The following ALK variants were observed in gnomAD, a reference collection of about 807,000 sequenced individuals.
ALK encodes the protein ALK tyrosine kinase receptor.
A neutral mutation model predicts 163.1 loss-of-function variants in ALK; 74 were observed. That is an observed-to-expected ratio of 0.45 (90% CI 0.38 to 0.55). The LOEUF (loss-of-function observed/expected upper bound fraction) is 0.55. Among genes scored for constraint, ALK ranks in the 20% least tolerant of loss-of-function variants. The pLI is 0.00. For missense variants in ALK, 2,063 were observed against 2,105.3 expected (o/e 0.98, Z 0.39); for synonymous variants, 960 against 843.2 (o/e 1.14, Z -2.40).
intron 4 of ALK, among the ~76,000 whole-genome samples, chr2:29,464,563 T>C (rs1458624677): frequency 1.3e-5 from 2 of 151,576 alleles, no homozygotes; most frequent in Admixed American, 6.6e-5. Context: ...AATGAAAGAC[T>C]GAAACAGGCC....
At chr2:29,545,950 G>A (rs1304997205) in intron 3 of ALK, among the ~76,000 whole-genome samples, 1 of 152,078 alleles carries the variant, frequency 6.6e-6, no homozygotes, top group Non-Finnish European at 1.5e-5. Flanking sequence ...ACAACCTTTC[G>A]GGTCCTACTT....
At chr2:29,891,099 T>C (rs943942827) in intron 1 of ALK, 3 of 152,234 alleles carry the variant, frequency 2.0e-5, no homozygotes, top group Admixed American at 6.5e-5. Flanking sequence ...TGAAAGCACA[T>C]AGCTTGGGGG....
intron 4 of ALK, among the ~76,000 whole-genome samples, chr2:29,485,394 A>G (rs758037315): frequency 3.3e-4 from 50 of 152,170 alleles, no homozygotes; most frequent in Non-Finnish European, 6.3e-4. Flanking sequence ...TCTAATATGT[A>G]TAATTGGTTC....
At chr2:29,452,665 G>A (rs1442131130) in intron 4 of ALK, among the ~76,000 whole-genome samples, 1 of 152,142 alleles carries the variant, frequency 6.6e-6, no homozygotes, top group Non-Finnish European at 1.5e-5. Flanking sequence ...GGAGAAAACA[G>A]AAACTTTAGT....
intron 1 of ALK, among the ~76,000 whole-genome samples, chr2:29,902,643 T>C (rs1225256217): frequency 6.6e-6 from 1 of 152,214 alleles, no homozygotes; most frequent in Non-Finnish European, 1.5e-5. Context: ...GAGGGCCCAG[T>C]AGAGCATGAG....
chr2:29,481,598 C>T (rs1175605992), intron 4 of ALK, among the ~76,000 whole-genome samples: 1 of 152,192 alleles, frequency 6.6e-6, no homozygotes, highest in Non-Finnish European at 1.5e-5. Flanking sequence ...AGCTTCTTCC[C>T]TAGGCCTCAA....
At chr2:29,830,717 A>T (rs1372741703) in intron 1 of ALK, among the ~76,000 whole-genome samples, 4 of 7,548 alleles carry the variant, frequency 5.3e-4, no homozygotes, top group Non-Finnish European at 1.3e-3. Context: ...ATAGTTTAAA[A>T]AAAAAAAAAA....
At chr2:29,855,448 T>C (rs1666114447) in intron 1 of ALK, among the ~76,000 whole-genome samples, 2 of 152,098 alleles carry the variant, frequency 1.3e-5, no homozygotes, top group South Asian at 4.1e-4. Flanking sequence ...TTCTTCCTTC[T>C]ACCAAGAGAT....
At chr2:29,203,783 C>T (rs1268344773) in intron 26 of ALK, among the ~76,000 whole-genome samples, 1 of 151,898 alleles carries the variant, frequency 6.6e-6, no homozygotes, top group Admixed American at 6.6e-5. Context: ...TGCGCCCGGC[C>T]GAGGATATGC....
intron 1 of ALK, among the ~76,000 whole-genome samples, chr2:29,889,127 C>A (rs1667067144): frequency 6.6e-6 from 1 of 152,054 alleles, no homozygotes; most frequent in Non-Finnish European, 1.5e-5. Flanking sequence ...TTATATTAAG[C>A]TTTCTTCTTA....
chr2:29,717,315 C>A (rs182526915), intron 2 of ALK, among the ~76,000 whole-genome samples: 213 of 152,152 alleles, frequency 1.4e-3, no homozygotes, highest in Non-Finnish European at 2.7e-3. Flanking sequence ...ACACTATATA[C>A]CATAAAGGCT....
At chr2:29,194,023 G>A in intron 28 of ALK, 101 bp from the exon 29 acceptor site, 1 of 1,157,918 alleles carries the variant, frequency 8.6e-7, no homozygotes, top group Non-Finnish European at 1.3e-6. Flanking sequence ...TTCTACAGAT[G>A]AGGAAACCAG....
chr2:29,311,571 G>A (rs1666694502), intron 8 of ALK, among the ~76,000 whole-genome samples: 1 of 152,212 alleles, frequency 6.6e-6, no homozygotes, highest in African/African-American at 2.4e-5. Flanking sequence ...AGAAAAGTCA[G>A]GCTTATGACG....
chr2:29,840,931 G>T (rs1373659101), intron 1 of ALK, among the ~76,000 whole-genome samples: 1 of 152,124 alleles, frequency 6.6e-6, no homozygotes, highest in Admixed American at 6.5e-5. Context: ...AAGTCTTTTA[G>T]ATACGGCTAC....
At chr2:29,549,250 A>T (rs557773660) in intron 3 of ALK, among the ~76,000 whole-genome samples, 1 of 152,154 alleles carries the variant, frequency 6.6e-6, no homozygotes, top group Non-Finnish European at 1.5e-5. Context: ...CACAGTTTTA[A>T]AAAGATTGAA....
At chr2:29,442,129 G>C (rs80099269) in intron 4 of ALK, among the ~76,000 whole-genome samples, 2 of 105,480 alleles carry the variant, frequency 1.9e-5, no homozygotes, top group Non-Finnish European at 4.3e-5. Context: ...TCTGGTCTCC[G>C]GCAGCCATTC....
chr2:29,452,481 CTCATT>C (rs889786628), intron 4 of ALK, among the ~76,000 whole-genome samples: 6 of 152,134 alleles, frequency 3.9e-5, no homozygotes, highest in Non-Finnish European at 5.9e-5. Context: ...TTAAAGTCAT[CTCATT>C]TATTTCGTTA....
chr2:29,362,279 T>TTTCC (rs1668405481), intron 5 of ALK, among the ~76,000 whole-genome samples: 1 of 152,172 alleles, frequency 6.6e-6, no homozygotes, highest in Non-Finnish European at 1.5e-5. Context: ...TCCTTCTCTT[T>TTTCC]TTCCTTCCTT....
At chr2:29,720,840 C>T (rs1278963261) in intron 1 of ALK, among the ~76,000 whole-genome samples, 1 of 152,064 alleles carries the variant, frequency 6.6e-6, no homozygotes, top group Non-Finnish European at 1.5e-5. Context: ...CTAGAGAAAG[C>T]CTTGTCTTTT....
Sources: allele counts gnomAD v4.1 joint callset (sites outside exome capture counted in the v4.1 genomes callset), GRCh38; gene constraint gnomAD v4.1.1; transcripts MANE v1.5; gene names NCBI Gene and HGNC (gene_info 2026-07-23, HGNC 2026-07-21).